The following ASTN2 variants were observed in gnomAD, a reference collection of about 807,000 sequenced individuals.
The protein encoded by ASTN2 is astrotactin-2.
Under a neutral mutation model 139.8 loss-of-function variants are expected in ASTN2, and 54 were observed. That is an observed-to-expected ratio of 0.39 (90% CI 0.31 to 0.48). ASTN2 has a LOEUF of 0.48. Ranked by LOEUF, ASTN2 falls within the 20% of genes least tolerant of loss-of-function variation. ASTN2 has a pLI of 0.95. For synonymous variants in ASTN2, 756 were observed against 719.5 expected (o/e 1.05, Z -0.81); for missense variants, 1,565 against 1,725.1 (o/e 0.91, Z 1.64).
chr9:116,830,785 C>T (rs1247040397), intron 11 of ASTN2, among the ~76,000 whole-genome samples: 2 of 130,556 alleles, frequency 1.5e-5, no homozygotes, highest in African/African-American at 6.2e-5. Flanking sequence ...GAGTGAGACC[C>T]TATGTCAAAA....
chr9:116,698,227 A>G lies in ASTN2; in HGVS notation c.2806+27544T>C, dbSNP rs1018629963. 6.2e-7 allele frequency: 1 copy of G among 1,614,008 alleles called. No individual in the cohort carries two copies. The highest frequency in any genetic ancestry group is 8.5e-7 in the Non-Finnish European group (1 of 1,180,010). ...ACTCGTCTGCGGGAACTTATGGGGG[A>G]GCTGCAGCGGCGGAAGGCAGCCTTG... On this transcript the variant is annotated intron_variant, in intron 16 of 22. Coordinates refer to ENST00000313400, the MANE Select transcript of ASTN2 (RefSeq NM_001365068.1). The surrounding 1 kb of genome is among the most constrained non-coding windows in gnomAD (Gnocchi z 4.4).
intron 10 of ASTN2, among the ~76,000 whole-genome samples, chr9:116,911,524 T>A (rs1326661658): frequency 6.6e-6 from 1 of 152,124 alleles, no homozygotes; most frequent in East Asian, 1.9e-4. Context: ...TCAAATAAGG[T>A]CTGGAATTTA....
At chr9:117,094,993 C>A (rs748627078) in intron 5 of ASTN2, among the ~76,000 whole-genome samples, 1 of 152,176 alleles carries the variant, frequency 6.6e-6, no homozygotes, top group Non-Finnish European at 1.5e-5. Flanking sequence ...GGATAGAATG[C>A]ATGCAGCATG....
At chr9:116,995,984 T>G (rs7847728) in intron 7 of ASTN2, among the ~76,000 whole-genome samples, 1 of 152,070 alleles carries the variant, frequency 6.6e-6, no homozygotes, top group African/African-American at 2.4e-5. Context: ...GGACTACAGG[T>G]GCATGCCACC....
chr9:116,968,077 A>T (rs1189702418), intron 10 of ASTN2, among the ~76,000 whole-genome samples: 2 of 152,190 alleles, frequency 1.3e-5, no homozygotes, highest in Non-Finnish European at 2.9e-5. Flanking sequence ...CCCTATACAC[A>T]TTATGTTATC....
rs575931514 is a variant in ASTN2 at position 117,060,344 on chromosome 9, GAGAA to G, written c.1277-20383_1277-20380del. ...AAAGAAAGAAAGAAAGAAAGAAAGA[GAGAA>G]AGAAAGAAAGAAAGAAAGAAAGAAA... On this transcript the variant is annotated intron_variant, in intron 5 of 22. Coordinates refer to ENST00000313400, the MANE Select transcript of ASTN2 (RefSeq NM_001365068.1). Among the ~76,000 whole-genome samples, 362 of 58,784 alleles carry G rather than the reference GAGAA, an allele frequency of 6.2e-3. 8 individuals carry two copies. The highest frequency in any genetic ancestry group is 0.015 in the African/African-American group (184 of 12,478). The allele number at this position is 58,784 out of a possible 152,430, so 38.6% of individuals were successfully genotyped here. A position where few individuals can be genotyped will look rare whatever the true frequency, so the allele number is the denominator to read the frequency against.
chr9:117,247,491 G>C (rs1013096790), intron 2 of ASTN2, among the ~76,000 whole-genome samples: 5 of 152,300 alleles, frequency 3.3e-5, no homozygotes, highest in Middle Eastern at 3.4e-3. Context: ...TGTAATAAGA[G>C]GGCAGCAACA....
intron 11 of ASTN2, among the ~76,000 whole-genome samples, chr9:116,855,266 G>A (rs1221821329): frequency 6.6e-6 from 1 of 151,966 alleles, no homozygotes; most frequent in Non-Finnish European, 1.5e-5. Context: ...CACCCAGCCT[G>A]CTCCAAATTC....
intron 13 of ASTN2, among the ~76,000 whole-genome samples, chr9:116,757,759 A>G (rs993391474): frequency 6.6e-6 from 1 of 152,146 alleles, no homozygotes; most frequent in African/African-American, 2.4e-5. Flanking sequence ...CAGGGCCTGT[A>G]ACATAGAAGG....
At chr9:116,957,957 G>A (rs1467554411) in intron 10 of ASTN2, among the ~76,000 whole-genome samples, 1 of 152,190 alleles carries the variant, frequency 6.6e-6, no homozygotes, top group Admixed American at 6.5e-5. Context: ...GGGATTGCAG[G>A]TGTGAGCCAC....
intron 13 of ASTN2, among the ~76,000 whole-genome samples, chr9:116,784,755 C>G (rs566701192): frequency 9.2e-5 from 14 of 152,070 alleles, no homozygotes; most frequent in African/African-American, 3.4e-4. Context: ...CATGGAGAAA[C>G]CCTGTCTCTA....
At chr9:117,238,770 C>T (rs1267142433) in intron 2 of ASTN2, among the ~76,000 whole-genome samples, 1 of 152,132 alleles carries the variant, frequency 6.6e-6, no homozygotes, top group East Asian at 1.9e-4. Context: ...GCTCCAGTGA[C>T]CGCTATAAAG....
chr9:117,290,611 T>C (rs953403369), intron 2 of ASTN2, among the ~76,000 whole-genome samples: 1 of 152,210 alleles, frequency 6.6e-6, no homozygotes, highest in Non-Finnish European at 1.5e-5. Flanking sequence ...GTATCCAGTA[T>C]AGTGCTTAAC....
At chr9:116,474,484 T>A (rs1201770995) in intron 20 of ASTN2, among the ~76,000 whole-genome samples, 1 of 152,082 alleles carries the variant, frequency 6.6e-6, no homozygotes, top group East Asian at 1.9e-4. Flanking sequence ...CTGGATTCCG[T>A]CTCACCTCTG....
At chr9:116,597,299 A>ATTTTTTTTTTTTTTTTTTTTTTTTTTTT in intron 19 of ASTN2, among the ~76,000 whole-genome samples, 1 of 75,532 alleles carries the variant, frequency 1.3e-5, no homozygotes, top group Non-Finnish European at 2.4e-5. Flanking sequence ...CTTTTGATCT[A>ATTTTTTTTTTTTTTTTTTTTTTTTTTTT]TTTTTTTTTT....
chr9:117,001,462 G>A (rs1255997167), intron 7 of ASTN2, among the ~76,000 whole-genome samples: 1 of 152,030 alleles, frequency 6.6e-6, no homozygotes, highest in Non-Finnish European at 1.5e-5. Flanking sequence ...GAGAACAGAT[G>A]TTCTCAAAGT....
intron 11 of ASTN2, among the ~76,000 whole-genome samples, chr9:116,861,973 CTT>C (rs56282333): frequency 0.36 from 47,886 of 133,550 alleles, 8,813 homozygotes; most frequent in Non-Finnish European, 0.45. Flanking sequence ...TTTCCTTCTT[CTT>C]TTTTTTTTTT....
intron 1 of ASTN2, among the ~76,000 whole-genome samples, chr9:117,348,204 G>A (rs1458798755): frequency 6.6e-6 from 1 of 152,138 alleles, no homozygotes; most frequent in Non-Finnish European, 1.5e-5. Flanking sequence ...TTGGTCAAAG[G>A]CAAAATGAAG....
intron 10 of ASTN2, among the ~76,000 whole-genome samples, chr9:116,921,928 C>T (rs1041140968): frequency 6.6e-6 from 1 of 152,258 alleles, no homozygotes; most frequent in South Asian, 2.1e-4. Context: ...TGGGTGGGGA[C>T]ACAGCCAAAC....
Sources: allele counts gnomAD v4.1 joint callset (sites outside exome capture counted in the v4.1 genomes callset), GRCh38; gene constraint gnomAD v4.1.1; non-coding constraint Gnocchi (gnomAD v3.1); transcripts MANE v1.5; gene names NCBI Gene and HGNC (gene_info 2026-07-23, HGNC 2026-07-21).